MPPED2: variants seen among roughly 807,000 people sequenced by gnomAD.
MPPED2 encodes metallophosphoesterase MPPED2.
In MPPED2, 5 loss-of-function variants were observed where a neutral mutation model predicts 33.0. That is an observed-to-expected ratio of 0.15 (90% confidence interval 0.08 to 0.32). The LOEUF (loss-of-function observed/expected upper bound fraction) is 0.32, where lower values mean the gene tolerates loss of function less well. MPPED2 is among the 10% of genes least tolerant of loss of function. MPPED2 has a pLI of 1.00. For missense variants in MPPED2, 275 were observed against 372.1 expected (o/e 0.74, Z 2.15); for synonymous variants, 136 against 141.9 (o/e 0.96, Z 0.29).
chr11:30,432,236 T>C (rs1949111788), intron 4 of MPPED2, among the ~76,000 whole-genome samples: 1 of 151,830 alleles, frequency 6.6e-6, no homozygotes, highest in African/African-American at 2.4e-5. Flanking sequence ...TAAAACCAGG[T>C]CAATTGCTTT....
intron 4 of MPPED2, among the ~76,000 whole-genome samples, chr11:30,439,491 T>C (rs992332361): frequency 1.3e-5 from 2 of 152,196 alleles, no homozygotes; most frequent in Admixed American, 6.5e-5. Context: ...TCGGGCACAT[T>C]TGCAGTGTCA....
chr11:30,514,799 G>A (rs963570416), intron 3 of MPPED2, among the ~76,000 whole-genome samples: 1 of 152,024 alleles, frequency 6.6e-6, no homozygotes, highest in South Asian at 2.1e-4. Flanking sequence ...CCTCTGTCAG[G>A]CACCATCCTA....
intron 2 of MPPED2, among the ~76,000 whole-genome samples, chr11:30,557,783 A>G (rs1342991075): frequency 6.6e-6 from 1 of 152,228 alleles, no homozygotes; most frequent in African/African-American, 2.4e-5. Context: ...AAGTTGCTAT[A>G]GTAATATGTA....
At chr11:30,440,820 G>C (rs566810507) in intron 4 of MPPED2, among the ~76,000 whole-genome samples, 1 of 152,316 alleles carries the variant, frequency 6.6e-6, no homozygotes, top group South Asian at 2.1e-4. Flanking sequence ...TATCAGCTCA[G>C]AGTTACCACA....
intron 4 of MPPED2, among the ~76,000 whole-genome samples, chr11:30,465,803 C>T (rs1033738616): frequency 6.6e-6 from 1 of 152,110 alleles, no homozygotes; most frequent in African/African-American, 2.4e-5. Context: ...ACTGAGAATA[C>T]ATTTGCAGGA....
chr11:30,580,491 A>G lies in MPPED2; in HGVS notation c.-118T>C, dbSNP rs75683911. On this transcript the variant is annotated 5_prime_UTR_variant, in exon 2 of 7. An upstream start codon of the reference 5' UTR is lost. Transcript: ENST00000358117. ...GATCTACTCATCAATACCGCTGTGC[A>G]TTTCTGAAAGAAAAAAAAAATGTAT... 0.034 allele frequency: 48,157 copies of G among 1,431,094 alleles called. 1,749 individuals carry two copies. Among genetic ancestry groups the G allele is most frequent in the African/African-American group, 0.18 (12,511 of 69,608 alleles). 88.6% of individuals were successfully genotyped at this position (1,431,094 alleles called of 1,614,324 possible).
At chr11:30,461,797 A>G (rs1476437718) in intron 4 of MPPED2, among the ~76,000 whole-genome samples, 1 of 152,226 alleles carries the variant, frequency 6.6e-6, no homozygotes, top group African/African-American at 2.4e-5. Flanking sequence ...ATTCATCCTG[A>G]CAATTTTATC....
At chr11:30,476,719 A>T (rs1328169050) in intron 4 of MPPED2, among the ~76,000 whole-genome samples, 1 of 152,046 alleles carries the variant, frequency 6.6e-6, no homozygotes, top group Non-Finnish European at 1.5e-5. Context: ...TGACTATTCG[A>T]AATCTTTTTT....
chr11:30,404,516 CA>C (rs1947958659), intron 6 of MPPED2, among the ~76,000 whole-genome samples: 2 of 152,350 alleles, frequency 1.3e-5, no homozygotes, highest in South Asian at 4.1e-4. Context: ...TTGGGATTGA[CA>C]CTGCCATTAG....
chr11:30,534,480 A>G (rs1009890013), intron 3 of MPPED2, among the ~76,000 whole-genome samples: 3 of 152,224 alleles, frequency 2.0e-5, no homozygotes, highest in Non-Finnish European at 4.4e-5. Flanking sequence ...TGTAAAAATG[A>G]GATTATGCTA....
intron 2 of MPPED2, among the ~76,000 whole-genome samples, chr11:30,554,283 T>C (rs1955861503): frequency 1.3e-5 from 2 of 152,270 alleles, no homozygotes; most frequent in Admixed American, 6.5e-5. Flanking sequence ...CAAGTCATTC[T>C]GCTTGTCTGC....
At chr11:30,425,926 T>A (rs1948818212) in intron 4 of MPPED2, among the ~76,000 whole-genome samples, 1 of 152,174 alleles carries the variant, frequency 6.6e-6, no homozygotes, top group Non-Finnish European at 1.5e-5. Context: ...GGGATATTTG[T>A]CTTCTCTTTT....
chr11:30,482,659 G>T (rs1951542248), intron 4 of MPPED2, among the ~76,000 whole-genome samples: 1 of 152,148 alleles, frequency 6.6e-6, no homozygotes, highest in African/African-American at 2.4e-5. Context: ...TTCAGAGTGA[G>T]ACAAAGAGAA....
intron 6 of MPPED2, among the ~76,000 whole-genome samples, chr11:30,400,535 T>C (rs1947895433): frequency 6.6e-6 from 1 of 152,242 alleles, no homozygotes. Context: ...GATGTCAGTG[T>C]TAATATTAGC....
At chr11:30,576,176 T>G (rs974137186) in intron 2 of MPPED2, among the ~76,000 whole-genome samples, 4 of 152,192 alleles carry the variant, frequency 2.6e-5, no homozygotes, top group Non-Finnish European at 5.9e-5. Flanking sequence ...GGTCCGGATC[T>G]TACAGATAGA....
At chr11:30,528,570 G>T (rs1177339499) in intron 3 of MPPED2, among the ~76,000 whole-genome samples, 2 of 152,090 alleles carry the variant, frequency 1.3e-5, no homozygotes, top group East Asian at 3.9e-4. Flanking sequence ...TTGTTTACAT[G>T]TTTTTACAAT....
intron 6 of MPPED2, among the ~76,000 whole-genome samples, chr11:30,393,275 C>T (rs945758633): frequency 5.3e-5 from 8 of 151,906 alleles, no homozygotes; most frequent in Non-Finnish European, 1.2e-4. Context: ...ATCCTGGATA[C>T]AGTCTCTAAT....
chr11:30,563,653 C>T (rs1956325118), intron 2 of MPPED2, among the ~76,000 whole-genome samples: 1 of 152,166 alleles, frequency 6.6e-6, no homozygotes, highest in Non-Finnish European at 1.5e-5. Flanking sequence ...GCAGAGGCAA[C>T]TCTAAAGAGG....
rs181016337 is a variant in MPPED2, at chr11:30,463,176, C to G, written c.536+32120G>C. On this transcript the variant is annotated intron_variant, in intron 4 of 6. Coordinates refer to ENST00000358117, the MANE Select transcript of MPPED2 (RefSeq NM_001584.3). ...GGTTTTCTCGGCTATCCACTCAGGG[C>G]AATTTTGAAATATCAATTGCAATGT... 4.3e-3 allele frequency among the ~76,000 whole-genome samples: 661 copies of G among 152,250 alleles called. 2 individuals are homozygous for G. The highest frequency in any genetic ancestry group is 6.4e-3 in the Admixed American group (98 of 15,298).
Sources: gnomAD v4.1 joint callset for allele counts (sites outside exome capture counted in the v4.1 genomes callset) on GRCh38, gnomAD v4.1.1 for gene constraint, MANE v1.5 for transcripts, NCBI Gene and HGNC (gene_info 2026-07-23, HGNC 2026-07-21) for gene names.